The following DGKG variants were observed in gnomAD, a reference collection of about 807,000 sequenced individuals.
DGKG encodes DAG kinase gamma.
Under a neutral mutation model 105.3 loss-of-function variants are expected in DGKG, and 78 were observed. The ratio of observed to expected loss-of-function variants is 0.74; its 90% CI spans 0.62 to 0.89. DGKG has a LOEUF of 0.89. Ranked by LOEUF, DGKG falls within the 40% of genes least tolerant of loss-of-function variation. The pLI is 0.00. For missense variants in DGKG, 958 were observed against 1,020.1 expected (o/e 0.94, Z 0.83); for synonymous variants, 346 against 367.1 (o/e 0.94, Z 0.66).
rs139897434 is a variant in DGKG, at chr3:186,259,651, C to T, written c.1424+788G>A. On this transcript the variant is annotated intron_variant, in intron 16 of 24. Transcript: ENST00000265022. Reference sequence around the variant, plus strand: ...GGTTTGGAGGTTGGGCAAATGGCTGCGTGCTGGGCAAGCCCAGCCCAGAGT... The same window carrying T: ...GGTTTGGAGGTTGGGCAAATGGCTGTGTGCTGGGCAAGCCCAGCCCAGAGT... Among the ~76,000 whole-genome samples the T allele has an allele frequency of 9.9e-5, 15 of 152,130 alleles. No individual in the cohort carries two copies. The East Asian group carries it at 2.3e-3, about 24-fold the overall frequency.
chr3:186,188,155 T>C, intron 22 of DGKG, 47 bp downstream of exon 22: 1 of 1,603,724 alleles, frequency 6.2e-7, no homozygotes, highest in South Asian at 1.1e-5. Context: ...TGAGGGCACC[T>C]ACTACTGGGC....
At chr3:186,287,303 G>A (rs951108028) in intron 6 of DGKG, among the ~76,000 whole-genome samples, 3 of 152,100 alleles carry the variant, frequency 2.0e-5, no homozygotes, top group African/African-American at 7.2e-5. Flanking sequence ...TGCGATTTTA[G>A]AGGTACATAC....
intron 22 of DGKG, among the ~76,000 whole-genome samples, chr3:186,167,975 G>C (rs1716632861): frequency 6.6e-6 from 1 of 152,190 alleles, no homozygotes; most frequent in Non-Finnish European, 1.5e-5. Context: ...TGATTCTGCT[G>C]GGGCAAAGTA....
Position 186,330,254 on chromosome 3 carries a change from TATAAC to T in DGKG, c.-248-9552_-248-9548del, listed in dbSNP as rs147488100. 7.8e-3 allele frequency among the ~76,000 whole-genome samples: 1,195 copies of T among 152,360 alleles called. 19 individuals are homozygous for T. Among genetic ancestry groups the T allele is most frequent in the African/African-American group, 0.027 (1,123 of 41,580 alleles). The stretch of plus-strand genomic sequence containing the variant: ...GTATAGGCTATCAGGGTTATAAAGT[TATAAC>T]AGATATAGACTTATAATCAAGTTAC... On this transcript the variant is annotated intron_variant, in intron 1 of 24. Transcript: ENST00000265022.
chr3:186,320,615 G>A lies in DGKG; in HGVS notation c.-156C>T. Reference sequence around the variant, plus strand: ...ACTCAAGTGTATACAGCAGCAGCAGGCACCTCTCAGAAGATGAGACAAGAT... The same window carrying A: ...ACTCAAGTGTATACAGCAGCAGCAGACACCTCTCAGAAGATGAGACAAGAT... On this transcript the variant is annotated 5_prime_UTR_variant, in exon 2 of 25. Transcript: ENST00000265022. 1.6e-6 allele frequency: 2 copies of A among 1,240,520 alleles called. No individual in the cohort carries two copies. Among genetic ancestry groups the A allele is most frequent in the South Asian group, 1.8e-5 (1 of 56,806 alleles). The allele number at this position is 1,240,520 out of a possible 1,614,324, so 76.8% of individuals were successfully genotyped here.
intron 17 of DGKG, among the ~76,000 whole-genome samples, chr3:186,255,489 CT>C (rs368606052): frequency 5.3e-5 from 8 of 152,324 alleles, no homozygotes; most frequent in African/African-American, 1.9e-4. Context: ...TGGAAGCTGA[CT>C]GAGTGAAGGC....
intron 1 of DGKG, among the ~76,000 whole-genome samples, chr3:186,325,582 T>C (rs1725297384): frequency 6.6e-6 from 1 of 152,196 alleles, no homozygotes; most frequent in Admixed American, 6.5e-5. Context: ...ACAATGATAC[T>C]GATTTTCTAA....
chr3:186,255,290 C>T (rs1310904718), intron 17 of DGKG, among the ~76,000 whole-genome samples: 3 of 152,220 alleles, frequency 2.0e-5, no homozygotes, highest in Admixed American at 1.3e-4. Context: ...CTTGGGTTCT[C>T]ATGGTGCTTA....
chr3:186,360,111 C>G (rs1234259650), intron 1 of DGKG, among the ~76,000 whole-genome samples: 1 of 152,036 alleles, frequency 6.6e-6, no homozygotes, highest in African/African-American at 2.4e-5. Context: ...CTGGGAGTGT[C>G]CGGGTTGGAG....
At chr3:186,340,726 T>C (rs1433447480) in intron 1 of DGKG, among the ~76,000 whole-genome samples, 1 of 152,222 alleles carries the variant, frequency 6.6e-6, no homozygotes, top group African/African-American at 2.4e-5. Flanking sequence ...ACTTTTTCAA[T>C]GAAGAAGTCA....
At chr3:186,315,307 A>G (rs1724763001) in intron 2 of DGKG, among the ~76,000 whole-genome samples, 1 of 152,194 alleles carries the variant, frequency 6.6e-6, no homozygotes, top group Non-Finnish European at 1.5e-5. Context: ...CTACCTCTTG[A>G]AGCCATTCAA....
At chr3:186,196,139 T>A (rs75461774) in intron 21 of DGKG, among the ~76,000 whole-genome samples, 1 of 23,612 alleles carries the variant, frequency 4.2e-5, no homozygotes, top group African/African-American at 7.4e-5. Flanking sequence ...TTTTCTTTCT[T>A]TTTTTTTTTT....
intron 10 of DGKG, 120 bp from the exon 11 acceptor site, chr3:186,272,463 A>T: frequency 1.4e-6 from 1 of 710,318 alleles, no homozygotes; most frequent in South Asian, 1.5e-5. Context: ...GGGGCAGGGG[A>T]CACATGGGGC....
intron 21 of DGKG, among the ~76,000 whole-genome samples, chr3:186,197,663 G>A (rs1718249700): frequency 6.6e-6 from 1 of 152,172 alleles, no homozygotes; most frequent in South Asian, 2.1e-4. Context: ...GGATGCCGTA[G>A]GGTCTCATTT....
Position 186,288,829 on chromosome 3 carries a change from G to C in DGKG, c.425C>G (p.Thr142Ser), listed in dbSNP as rs1004588. 0.53 allele frequency: 848,221 copies of C among 1,606,640 alleles called. 225,196 individuals carry two copies. Among genetic ancestry groups the C allele is most frequent in the East Asian group, 0.63 (28,167 of 44,604 alleles). ...CCGAGGGACGGGGGGTTCCAGGGGG[G>C]TCGCAGCCACTTGGTCTTCAGCTGG... The part of the protein sequence containing the change: ...QAPAEDQVAA[T>S]PLEPPVPRSS... The change falls in exon 6 of 25, where the codon ACC (threonine) becomes AGC (serine). Residue 142 changes from threonine (T) to serine (S), a missense_variant. Thr to Ser is a moderately conservative substitution (Grantham distance 58). Transcript: ENST00000265022.
chr3:186,164,188 C>T (rs754951719), intron 23 of DGKG, among the ~76,000 whole-genome samples: 2 of 152,090 alleles, frequency 1.3e-5, no homozygotes, highest in Non-Finnish European at 2.9e-5. Flanking sequence ...ATCCCCAAGG[C>T]ATGTTAATAG....
intron 7 of DGKG, 125 bp from the exon 8 acceptor site, chr3:186,280,869 A>G: frequency 1.4e-6 from 1 of 706,708 alleles, no homozygotes; most frequent in Non-Finnish European, 2.5e-6. Flanking sequence ...AAGCTGGTGC[A>G]GTAACTGCCA....
intron 23 of DGKG, among the ~76,000 whole-genome samples, chr3:186,164,241 A>T (rs1716430702): frequency 6.6e-6 from 1 of 152,144 alleles, no homozygotes; most frequent in South Asian, 2.1e-4. Flanking sequence ...AGGAATAAAG[A>T]CTTCTGAAAT....
chr3:186,322,908 C>A (rs1197519405), intron 1 of DGKG, among the ~76,000 whole-genome samples: 1 of 152,168 alleles, frequency 6.6e-6, no homozygotes, highest in Non-Finnish European at 1.5e-5. Context: ...CTAAGCTCCT[C>A]CCCTTTTCTC....
Sources: allele counts gnomAD v4.1 joint callset (sites outside exome capture counted in the v4.1 genomes callset), GRCh38; gene constraint gnomAD v4.1.1; transcripts MANE v1.5; gene names NCBI Gene and HGNC (gene_info 2026-07-23, HGNC 2026-07-21).